Variants in TTBK2 observed in about 807,000 individuals in gnomAD.
TTBK2 encodes the protein tau tubulin kinase 2, also known as tau-tubulin kinase 2.
A neutral mutation model predicts 110.8 loss-of-function variants in TTBK2; 28 were observed. The ratio of observed to expected loss-of-function variants is 0.25; its 90% CI spans 0.19 to 0.35. TTBK2 has a LOEUF of 0.35. Ranked by LOEUF, TTBK2 falls within the 10% of genes least tolerant of loss-of-function variation. The probability of loss-of-function intolerance (pLI) is 1.00; values close to 1 mark genes in which losing one functional copy is unlikely to be tolerated. For synonymous variants in TTBK2, 532 were observed against 527.3 expected, an observed-to-expected ratio of 1.01 and a Z score of -0.12; for missense variants, 1,369 against 1,500.3, an observed-to-expected ratio of 0.91 and a Z score of 1.45.
intron 2 of TTBK2, among the ~76,000 whole-genome samples, chr15:42,874,224 T>C (rs1021937186): frequency 1.3e-5 from 2 of 152,204 alleles, no homozygotes; most frequent in African/African-American, 4.8e-5. Flanking sequence ...GTGTCCCCCA[T>C]AGCATTTGGC....
chr15:42,747,060 G>C (rs2061803164), intron 14 of TTBK2, among the ~76,000 whole-genome samples: 2 of 151,802 alleles, frequency 1.3e-5, no homozygotes, highest in Non-Finnish European at 1.5e-5. Flanking sequence ...GACCTCCTGG[G>C]CTCATGCAAT....
At chr15:42,774,984 G>C in intron 13 of TTBK2, 151 bp downstream of exon 13, 1 of 705,624 alleles carries the variant, frequency 1.4e-6, no homozygotes, top group South Asian at 1.8e-5. Context: ...ATATTGGAGG[G>C]TTGACTATAG....
At chr15:42,769,000 A>T (rs1034133183) in intron 13 of TTBK2, among the ~76,000 whole-genome samples, 6 of 152,216 alleles carry the variant, frequency 3.9e-5, no homozygotes, top group Admixed American at 3.9e-4. Context: ...GACAAAAACA[A>T]GAAATGGGGA....
At position 42,751,908 on chromosome 15, in the gene TTBK2, GACT is replaced by G. The variant is rs2061870517; in HGVS notation, c.3272+63_3272+65del. 1.1e-5 allele frequency: 18 copies of G among 1,578,620 alleles called. No individual in the cohort carries two copies. In the South Asian group the frequency reaches 1.8e-4, roughly 16 times the overall value. On this transcript the variant is annotated intron_variant, in intron 14 of 14. Coordinates refer to ENST00000267890, the MANE Select transcript of TTBK2 (RefSeq NM_173500.4). ...CAACACAGAAATGTTGCCATTGGTG[GACT>G]ACAATAAAGCAGATATAGAAATGGT...
At chr15:42,761,583 CAA>C (rs201258034) in intron 13 of TTBK2, among the ~76,000 whole-genome samples, 20 of 104,248 alleles carry the variant, frequency 1.9e-4, no homozygotes, top group Admixed American at 4.0e-4. Context: ...TCTCAACAGC[CAA>C]AAAAAAAAAA....
At chr15:42,833,037 G>C (rs1892826502) in intron 4 of TTBK2, among the ~76,000 whole-genome samples, 1 of 151,760 alleles carries the variant, frequency 6.6e-6, no homozygotes, top group South Asian at 2.1e-4. Context: ...TCAGACACTG[G>C]GGTCTACTGG....
intron 12 of TTBK2, 68 bp from the exon 13 acceptor site, chr15:42,775,791 C>G: frequency 7.9e-7 from 1 of 1,260,056 alleles, no homozygotes; most frequent in East Asian, 2.5e-5. Flanking sequence ...ATATAAGCTC[C>G]ATAAAGAACT....
chr15:42,840,330 ATTTAAAGATACG>A lies in TTBK2; in HGVS notation c.291+18_291+29del, dbSNP rs1471693439. ...TGTATACTTTGATCAAAACTGAAGAATTTAAAGATACGTTTTCAAGGTAACCTACCTGCAACT... is the reference window on the plus strand; with the variant it reads ...TGTATACTTTGATCAAAACTGAAGAATTTTCAAGGTAACCTACCTGCAACT... On this transcript the variant is annotated intron_variant, in intron 4 of 14. Coordinates refer to ENST00000267890, the MANE Select transcript of TTBK2 (RefSeq NM_173500.4). 1 of 1,588,544 alleles carries A rather than the reference ATTTAAAGATACG, an allele frequency of 6.3e-7. No individual in the cohort carries two copies. Among genetic ancestry groups the A allele is most frequent in the Non-Finnish European group, 8.6e-7 (1 of 1,156,752 alleles).
At position 42,742,988 on chromosome 15, in the gene TTBK2, G is replaced by T. The variant is rs2061759902; in HGVS notation, c.*2807C>A. ...CCTGTGTCACAGGTGCTTGCTCAGG[G>T]CTGCCAACTTCTATTTTTCACCTGA... On this transcript the variant is annotated 3_prime_UTR_variant, in exon 15 of 15. Coordinates refer to ENST00000267890, the MANE Select transcript of TTBK2 (RefSeq NM_173500.4). The T allele has an allele frequency of 6.6e-6, 1 of 152,080 alleles. No homozygotes were observed. Among genetic ancestry groups the T allele is most frequent in the Non-Finnish European group, 1.5e-5 (1 of 68,012 alleles). The allele number at this position is 152,080 out of a possible 1,614,324, so 9.4% of individuals were successfully genotyped here.
intron 13 of TTBK2, among the ~76,000 whole-genome samples, chr15:42,757,892 T>C (rs543746272): frequency 6.6e-6 from 1 of 152,352 alleles, no homozygotes; most frequent in African/African-American, 2.4e-5. Context: ...ATTTCTTTCA[T>C]AGTTTCTTAG....
At chr15:42,864,411 C>A (rs567232224) in intron 3 of TTBK2, among the ~76,000 whole-genome samples, 1 of 151,996 alleles carries the variant, frequency 6.6e-6, no homozygotes, top group Non-Finnish European at 1.5e-5. Flanking sequence ...ATGGAAAAAC[C>A]CCATATCTGC....
chr15:42,795,304 G>T (rs1409470408), intron 9 of TTBK2, among the ~76,000 whole-genome samples: 1 of 150,366 alleles, frequency 6.7e-6, no homozygotes, highest in African/African-American at 2.5e-5. Context: ...ATATGTGTGT[G>T]CATGTTTGTG....
At chr15:42,833,391 C>A (rs549355433) in intron 4 of TTBK2, among the ~76,000 whole-genome samples, 94 of 151,866 alleles carry the variant, frequency 6.2e-4, no homozygotes, top group African/African-American at 2.2e-3. Flanking sequence ...GAAACATACC[C>A]AAAAGGAGAA....
intron 10 of TTBK2, among the ~76,000 whole-genome samples, chr15:42,794,104 G>GAA (rs34009486): frequency 1.1e-5 from 1 of 87,216 alleles, no homozygotes; most frequent in East Asian, 3.3e-4. Flanking sequence ...TAAAAAATTA[G>GAA]AAAAAAAAAA....
chr15:42,919,094 C>T (rs2031237094), intron 1 of TTBK2, among the ~76,000 whole-genome samples: 1 of 152,152 alleles, frequency 6.6e-6, no homozygotes, highest in Non-Finnish European at 1.5e-5. Context: ...ATGTCCCCTT[C>T]GGTGTCTTGA....
chr15:42,814,386 T>C (rs1180846435), intron 7 of TTBK2, among the ~76,000 whole-genome samples: 6 of 152,050 alleles, frequency 3.9e-5, no homozygotes, highest in Admixed American at 3.9e-4. Context: ...TGAGACCAGC[T>C]TGGGCAACAT....
At chr15:42,773,870 T>C (rs530423333) in intron 13 of TTBK2, among the ~76,000 whole-genome samples, 4 of 152,286 alleles carry the variant, frequency 2.6e-5, no homozygotes, top group African/African-American at 9.6e-5. Context: ...TTGTACAATT[T>C]GGAAAAGAAT....
In TTBK2 at chr15:42,752,643, C is replaced by T. The variant is rs1567000872; in HGVS notation, c.2603G>A (p.Gly868Asp). ...ATTTTTTTGCATTTCTGCCACTTGG[C>T]CTATCTGACCTTCAACATGTGGGTC... ...DIDPHVEGQI[G>D]QVAEMQKNKI... is the part of the protein sequence containing the mutation. The change falls in exon 14 of 15, where the codon GGC becomes GAC. Residue 868 changes from glycine (G) to aspartate (D), a missense_variant. This residue lies in a region of TTBK2 where 1,097 missense variants were observed against 1,114.7 expected (regional missense o/e 0.98). Transcript: ENST00000267890. The T allele has an allele frequency of 1.2e-6, 2 of 1,614,074 alleles. No homozygotes were observed. The highest frequency in any genetic ancestry group is 8.5e-7 in the Non-Finnish European group (1 of 1,180,040).
intron 3 of TTBK2, chr15:42,871,537 G>A: frequency 1.0e-6 from 1 of 985,342 alleles, no homozygotes; most frequent in Non-Finnish European, 1.2e-6. Context: ...GGGCTTGGCT[G>A]ATAGTAAAAC....
Sources: gnomAD v4.1 joint callset for allele counts (sites outside exome capture counted in the v4.1 genomes callset) on GRCh38, gnomAD v4.1.1 for gene constraint, gnomAD v4.1.1 regional missense constraint, MANE v1.5 for transcripts, NCBI Gene and HGNC (gene_info 2026-07-23, HGNC 2026-07-21) for gene names.